The following NRG1 variants were observed in gnomAD, a reference collection of about 807,000 sequenced individuals.
NRG1 encodes the protein pro-neuregulin-1, membrane-bound isoform.
NRG1 carries 18 observed loss-of-function variants against 63.8 expected under a neutral mutation model. That is an observed-to-expected ratio of 0.28 (90% CI 0.19 to 0.42). The LOEUF is 0.42. Among genes scored for constraint, NRG1 ranks in the 10% least tolerant of loss-of-function variants. NRG1 has a pLI of 1.00. For missense variants in NRG1, 762 were observed against 814.7 expected (o/e 0.94, Z 0.79); for synonymous variants, 302 against 301.3 (o/e 1.00, Z -0.02).
At chr8:32,011,898 C>G (rs1291581595) in intron 1 of NRG1, among the ~76,000 whole-genome samples, 2 of 152,008 alleles carry the variant, frequency 1.3e-5, no homozygotes, top group Non-Finnish European at 2.9e-5. Context: ...GGAATTAAAC[C>G]CTGACAGTCA....
intron 1 of NRG1, among the ~76,000 whole-genome samples, chr8:31,823,873 T>C (rs771324232): frequency 4.6e-5 from 7 of 152,200 alleles, no homozygotes; most frequent in Non-Finnish European, 1.0e-4. Context: ...AATGGAATAA[T>C]TTAAAGACAT....
At chr8:32,029,320 G>A (rs1331945107) in intron 1 of NRG1, 1 of 152,116 alleles carries the variant, frequency 6.6e-6, no homozygotes, top group Non-Finnish European at 1.5e-5. Flanking sequence ...ATTATAAAAA[G>A]ACAAAATTTC....
rs905633382 is a variant in NRG1 at position 31,726,780 on chromosome 8, C to T, written c.37+87349C>T. ...CCTGGAGAGTTGTCCTGGAATGAGG[C>T]AAGGAGGAGGGTTTGTACCCTTGCA... On this transcript the variant is annotated intron_variant, in intron 1 of 10. Coordinates refer to the NRG1 transcript ENST00000519301. Among the ~76,000 whole-genome samples the T allele has an allele frequency of 2.9e-4, 4 of 13,848 alleles. No individual in the cohort carries two copies. In the East Asian group the frequency reaches 0.024, roughly 84 times the overall value. 9.1% of individuals were successfully genotyped at this position (13,848 alleles called of 152,430 possible).
intron 3 of NRG1, among the ~76,000 whole-genome samples, chr8:32,612,396 G>C (rs931112440): frequency 2.6e-5 from 4 of 151,980 alleles, no homozygotes; most frequent in African/African-American, 9.7e-5. Flanking sequence ...GACTCCTTTG[G>C]TGTAGAAGTA....
At chr8:32,164,076 C>T (rs922000108) in intron 1 of NRG1, among the ~76,000 whole-genome samples, 1 of 152,152 alleles carries the variant, frequency 6.6e-6, no homozygotes, top group Non-Finnish European at 1.5e-5. Context: ...TGTTCTCTCT[C>T]TTTTCCCCTC....
intron 5 of NRG1, among the ~76,000 whole-genome samples, chr8:32,714,298 C>CA (rs1818615852): frequency 1.3e-5 from 2 of 152,072 alleles, no homozygotes; most frequent in Non-Finnish European, 2.9e-5. Flanking sequence ...TGAAAGCAGA[C>CA]AAATGAACAA....
intron 1 of NRG1, among the ~76,000 whole-genome samples, chr8:32,483,312 T>C (rs556959373): frequency 3.9e-5 from 6 of 152,338 alleles, no homozygotes; most frequent in African/African-American, 1.4e-4. Context: ...GTGACAAACA[T>C]TTCCATTCCC....
At chr8:32,259,674 AGTATAG>A (rs1311077724) in intron 1 of NRG1, among the ~76,000 whole-genome samples, 1 of 152,202 alleles carries the variant, frequency 6.6e-6, no homozygotes, top group Non-Finnish European at 1.5e-5. Context: ...AGACTACCAA[AGTATAG>A]GTGTCTGAAC....
chr8:31,979,985 C>A (rs1808817462), intron 1 of NRG1, among the ~76,000 whole-genome samples: 1 of 151,960 alleles, frequency 6.6e-6, no homozygotes, highest in African/African-American at 2.4e-5. Context: ...TTTCTATGCA[C>A]TTTACAAATA....
chr8:31,712,866 A>G (rs1283074810), intron 1 of NRG1, among the ~76,000 whole-genome samples: 2 of 152,078 alleles, frequency 1.3e-5, no homozygotes, highest in African/African-American at 4.8e-5. Context: ...TGTTCTCATT[A>G]GGTGGTTCCA....
At chr8:32,481,612 A>C (rs142137322) in intron 1 of NRG1, among the ~76,000 whole-genome samples, 6 of 152,358 alleles carry the variant, frequency 3.9e-5, no homozygotes, top group African/African-American at 1.2e-4. Context: ...CCAGCTTTAC[A>C]GCTAATGGTT....
At chr8:32,008,970 C>A (rs1476538416) in intron 1 of NRG1, among the ~76,000 whole-genome samples, 1 of 152,004 alleles carries the variant, frequency 6.6e-6, no homozygotes, top group Non-Finnish European at 1.5e-5. Context: ...TCCAAACATC[C>A]AGAAGGTCAC....
chr8:31,962,457 T>C (rs1232061622), intron 1 of NRG1, among the ~76,000 whole-genome samples: 2 of 152,174 alleles, frequency 1.3e-5, no homozygotes, highest in African/African-American at 4.8e-5. Flanking sequence ...TTACAGTTAG[T>C]AACTAATAAA....
chr8:31,713,166 G>A (rs529676461), intron 1 of NRG1, among the ~76,000 whole-genome samples: 143 of 143,722 alleles, frequency 9.9e-4, no homozygotes, highest in African/African-American at 3.6e-3. Flanking sequence ...GCCCAGGATG[G>A]AGTGCAGTGG....
chr8:32,216,672 GT>G (rs1245544975), intron 1 of NRG1, among the ~76,000 whole-genome samples: 1 of 149,562 alleles, frequency 6.7e-6, no homozygotes, highest in East Asian at 1.9e-4. Flanking sequence ...CTGGCAGAGT[GT>G]TTATATTAAA....
intron 1 of NRG1, among the ~76,000 whole-genome samples, chr8:32,194,903 AT>A (rs1402469818): frequency 2.0e-5 from 3 of 152,214 alleles, no homozygotes; most frequent in Non-Finnish European, 4.4e-5. Context: ...ATACATTTTT[AT>A]GAAAAAAAGA....
chr8:32,252,705 A>G (rs1849256926), intron 1 of NRG1, among the ~76,000 whole-genome samples: 1 of 152,170 alleles, frequency 6.6e-6, no homozygotes, highest in South Asian at 2.1e-4. Context: ...TATGAAATTT[A>G]AAGTAGTTTT....
chr8:31,812,719 T>A (rs2131793947), intron 1 of NRG1, among the ~76,000 whole-genome samples: 1 of 151,672 alleles, frequency 6.6e-6, no homozygotes, highest in East Asian at 2.0e-4. Flanking sequence ...CCATTTCAGG[T>A]GCTTTATCTC....
At chr8:31,815,735 G>A (rs138352807) in intron 1 of NRG1, among the ~76,000 whole-genome samples, 57 of 152,122 alleles carry the variant, frequency 3.7e-4, no homozygotes, top group African/African-American at 9.2e-4. Context: ...CCAATTCTTC[G>A]CATTCTCGCC....
Sources: gnomAD v4.1 joint callset for allele counts (sites outside exome capture counted in the v4.1 genomes callset) on GRCh38, gnomAD v4.1.1 for gene constraint, MANE v1.5 for transcripts, NCBI Gene and HGNC (gene_info 2026-07-23, HGNC 2026-07-21) for gene names.